Variants in ADGRB3 observed in about 807,000 individuals in gnomAD.
ADGRB3 encodes the protein brain-specific angiogenesis inhibitor 3.
Under a neutral mutation model 193.4 loss-of-function variants are expected in ADGRB3, and 37 were observed. That is an observed-to-expected ratio of 0.19 (90% CI 0.15 to 0.25). The LOEUF (loss-of-function observed/expected upper bound fraction) is 0.25, where lower values mean the gene tolerates loss of function less well. Ranked by LOEUF, ADGRB3 falls within the 10% of genes least tolerant of loss-of-function variation. The probability of loss-of-function intolerance (pLI) is 1.00; values close to 1 mark genes in which losing one functional copy is unlikely to be tolerated. For synonymous variants in ADGRB3, 690 were observed against 644.2 expected (o/e 1.07, Z -1.08); for missense variants, 1,637 against 1,852.9 (o/e 0.88, Z 2.14).
At chr6:69,138,313 G>C (rs1774214226) in intron 17 of ADGRB3, among the ~76,000 whole-genome samples, 1 of 152,184 alleles carries the variant, frequency 6.6e-6, no homozygotes, top group South Asian at 2.1e-4. Context: ...AACTATTTCA[G>C]GGTCTTCAGT....
intron 6 of ADGRB3, among the ~76,000 whole-genome samples, chr6:68,952,648 T>TA (rs150321260): frequency 5.9e-5 from 9 of 151,388 alleles, no homozygotes; most frequent in South Asian, 2.1e-4. Context: ...TAAAGTATAA[T>TA]AAAAAAAAAT....
chr6:68,741,803 C>T (rs1023378663), intron 3 of ADGRB3, among the ~76,000 whole-genome samples: 1 of 152,150 alleles, frequency 6.6e-6, no homozygotes, highest in African/African-American at 2.4e-5. Flanking sequence ...TTTTTACAAC[C>T]TAAACATTTT....
At chr6:69,154,734 G>C (rs1347388175) in intron 17 of ADGRB3, among the ~76,000 whole-genome samples, 1 of 152,224 alleles carries the variant, frequency 6.6e-6, no homozygotes, top group East Asian at 1.9e-4. Flanking sequence ...GATTTCCCCA[G>C]TCTTCACACA....
At chr6:69,377,427 CA>C (rs1166047958) in intron 30 of ADGRB3, among the ~76,000 whole-genome samples, 2 of 151,896 alleles carry the variant, frequency 1.3e-5, no homozygotes, top group African/African-American at 2.4e-5. Flanking sequence ...TTCTTTTCCC[CA>C]AAGCAAGCCA....
intron 17 of ADGRB3, among the ~76,000 whole-genome samples, chr6:69,111,737 A>G (rs1021415744): frequency 3.3e-5 from 5 of 152,256 alleles, no homozygotes; most frequent in Non-Finnish European, 7.3e-5. Context: ...GCAATAAACT[A>G]TTTTAAATGA....
Position 69,031,091 on chromosome 6 carries a change from C to A in ADGRB3, c.2107+12592C>A, listed in dbSNP as rs1246310806. Among the ~76,000 whole-genome samples, 13 of 85,644 alleles carry A rather than the reference C, an allele frequency of 1.5e-4. 1 individual carries two copies. Among genetic ancestry groups the A allele is most frequent in the Admixed American group, 1.4e-3 (12 of 8,736 alleles). The allele number at this position is 85,644 out of a possible 152,430, so 56.2% of individuals were successfully genotyped here. On this transcript the variant is annotated intron_variant, in intron 13 of 31. Transcript: ENST00000370598. Reference sequence around the variant, plus strand: ...CTTCTCTTCTCTTCTCTTCTCTTCTCTTCTCTTCTCTTCTCTTCTCTTCTC... The same window carrying A: ...CTTCTCTTCTCTTCTCTTCTCTTCTATTCTCTTCTCTTCTCTTCTCTTCTC...
chr6:69,108,446 G>A (rs1773277125), intron 17 of ADGRB3, among the ~76,000 whole-genome samples: 1 of 151,498 alleles, frequency 6.6e-6, no homozygotes, highest in African/African-American at 2.4e-5. Flanking sequence ...CTATACAGTG[G>A]ACTTTGCAAG....
intron 17 of ADGRB3, among the ~76,000 whole-genome samples, chr6:69,202,740 G>T (rs956018258): frequency 6.6e-6 from 1 of 152,080 alleles, no homozygotes; most frequent in African/African-American, 2.4e-5. Context: ...GAAAAGCTGG[G>T]TATAAGAACA....
At chr6:69,064,447 G>A (rs1026764287) in intron 16 of ADGRB3, among the ~76,000 whole-genome samples, 3 of 151,868 alleles carry the variant, frequency 2.0e-5, no homozygotes, top group South Asian at 2.1e-4. Context: ...CCTTAAGAAC[G>A]TGTTTTAGTT....
intron 3 of ADGRB3, among the ~76,000 whole-genome samples, chr6:68,913,439 G>T (rs541837454): frequency 1.3e-5 from 2 of 152,192 alleles, no homozygotes. Context: ...ACAGGGTCTG[G>T]AGTGGACCTC....
At chr6:69,297,404 C>CTATATA (rs1210023821) in intron 20 of ADGRB3, among the ~76,000 whole-genome samples, 1 of 144,904 alleles carries the variant, frequency 6.9e-6, no homozygotes, top group Admixed American at 7.0e-5. Flanking sequence ...CTCTCTCTCT[C>CTATATA]TCTCTCTATA....
intron 20 of ADGRB3, among the ~76,000 whole-genome samples, chr6:69,318,084 G>T (rs1768357326): frequency 6.6e-6 from 1 of 151,068 alleles, no homozygotes; most frequent in Admixed American, 6.6e-5. Context: ...GTCTTTTCTT[G>T]TATTGTTTTC....
intron 3 of ADGRB3, among the ~76,000 whole-genome samples, chr6:68,681,014 A>G (rs187182856): frequency 3.3e-5 from 5 of 152,312 alleles, no homozygotes; most frequent in East Asian, 1.9e-4. Context: ...GAAGCATGAT[A>G]TAAGTATCTC....
At chr6:69,135,217 C>T (rs1774118051) in intron 17 of ADGRB3, among the ~76,000 whole-genome samples, 1 of 151,744 alleles carries the variant, frequency 6.6e-6, no homozygotes, top group Admixed American at 6.6e-5. Flanking sequence ...CCATTATAGA[C>T]TTCTTATCTT....
chr6:68,835,770 T>C (rs796538458), intron 3 of ADGRB3, among the ~76,000 whole-genome samples: 11 of 152,320 alleles, frequency 7.2e-5, no homozygotes, highest in Admixed American at 2.0e-4. Context: ...ACTGGTTTTT[T>C]TCTCATATTT....
chr6:68,931,226 A>G (rs1215952581), intron 4 of ADGRB3, among the ~76,000 whole-genome samples: 2 of 151,988 alleles, frequency 1.3e-5, no homozygotes, highest in East Asian at 1.9e-4. Flanking sequence ...CACTCCATCT[A>G]ATTAAATACC....
At chr6:68,924,882 A>T (rs1357033584) in intron 3 of ADGRB3, among the ~76,000 whole-genome samples, 2 of 151,882 alleles carry the variant, frequency 1.3e-5, no homozygotes, top group East Asian at 3.9e-4. Context: ...TTTAATATTG[A>T]TTAATCTTAT....
chr6:68,764,966 A>C (rs1445502815), intron 3 of ADGRB3, among the ~76,000 whole-genome samples: 1 of 152,108 alleles, frequency 6.6e-6, no homozygotes, highest in Admixed American at 6.6e-5. Flanking sequence ...TGCCTGCTAA[A>C]ATTTTGATTT....
At chr6:69,079,081 A>G (rs938351540) in intron 17 of ADGRB3, among the ~76,000 whole-genome samples, 12 of 152,120 alleles carry the variant, frequency 7.9e-5, no homozygotes, top group Non-Finnish European at 1.6e-4. Flanking sequence ...CTTGTTAAAT[A>G]GTAAGATCCA....
Sources: gnomAD v4.1 joint callset for allele counts (sites outside exome capture counted in the v4.1 genomes callset) on GRCh38, gnomAD v4.1.1 for gene constraint, MANE v1.5 for transcripts, NCBI Gene and HGNC (gene_info 2026-07-23, HGNC 2026-07-21) for gene names.